SPATA7: variants seen among roughly 807,000 people sequenced by gnomAD.
SPATA7 encodes the protein spermatogenesis associated 7.
A neutral mutation model predicts 51.8 loss-of-function variants in SPATA7; 43 were observed. That is an observed-to-expected ratio of 0.83 (90% CI 0.65 to 1.07). SPATA7 has a LOEUF of 1.07. SPATA7 is among the 50% of genes least tolerant of loss of function. The pLI is 0.00. For missense variants in SPATA7, 683 were observed against 701.3 expected, an observed-to-expected ratio of 0.97 and a Z score of 0.30; for synonymous variants, 230 against 252.8, an observed-to-expected ratio of 0.91 and a Z score of 0.86.
At chr14:88,389,936 G>A (rs2075694884) in intron 1 of SPATA7, among the ~76,000 whole-genome samples, 1 of 152,176 alleles carries the variant, frequency 6.6e-6, no homozygotes, top group African/African-American at 2.4e-5. Context: ...TGATTTAGTA[G>A]CTTAGAACAT....
chr14:88,420,988 G>A (rs141455766), intron 5 of SPATA7, among the ~76,000 whole-genome samples: 7,507 of 151,924 alleles, frequency 0.049, 277 homozygotes, highest in Non-Finnish European at 0.065. Context: ...GTGGTGGTGC[G>A]CACTTGTAGT....
At chr14:88,426,772 C>A in intron 6 of SPATA7, 68 bp downstream of exon 6, 1 of 1,386,156 alleles carries the variant, frequency 7.2e-7, no homozygotes, top group Non-Finnish European at 1.0e-6. Flanking sequence ...AATTAATATT[C>A]CTTGTTTTCT....
Position 88,461,363 on chromosome 14 carries a change from C to T in SPATA7, c.255-8484C>T, listed in dbSNP as rs182861430. Among the ~76,000 whole-genome samples the T allele has an allele frequency of 8.7e-3, 1,326 of 152,264 alleles. 29 individuals carry two copies. Among genetic ancestry groups the T allele is most frequent in the African/African-American group, 0.03 (1,241 of 41,554 alleles). On this transcript the variant is annotated intron_variant, in intron 4 of 4. Transcript: ENST00000556406. ...GAGCTGTGGTGGGCTCCACCCAGTT[C>T]GAGCTTCCTGGCTGCTTTGTTTACC...
chr14:88,399,469 T>C (rs574215556), intron 4 of SPATA7, among the ~76,000 whole-genome samples: 4 of 152,342 alleles, frequency 2.6e-5, no homozygotes, highest in African/African-American at 9.6e-5. Flanking sequence ...ACCAGTTTGG[T>C]CGCTACATAC....
downstream of SPATA7, among the ~76,000 whole-genome samples, chr14:88,460,174 A>G (rs1043419677): frequency 6.6e-6 from 1 of 152,068 alleles, no homozygotes; most frequent in African/African-American, 2.4e-5. Context: ...GGTGAATCTG[A>G]CAATTATGTG....
intron 3 of SPATA7, among the ~76,000 whole-genome samples, chr14:88,447,870 G>A (rs1396960971): frequency 1.3e-5 from 2 of 152,120 alleles, no homozygotes; most frequent in African/African-American, 4.8e-5. Context: ...AGTCTGATGG[G>A]TTTCCCTTTG....
intron 4 of SPATA7, among the ~76,000 whole-genome samples, chr14:88,461,177 G>A (rs2077315088): frequency 6.6e-6 from 1 of 152,236 alleles, no homozygotes; most frequent in African/African-American, 2.4e-5. Flanking sequence ...TGAGGGGGCA[G>A]TCTGTCCGTT....
chr14:88,467,480 G>T (rs1020405056), intron 4 of SPATA7: 6 of 152,148 alleles, frequency 3.9e-5, no homozygotes, highest in Non-Finnish European at 7.4e-5. Flanking sequence ...TTGAAAAACA[G>T]AAGGTACAAC....
At chr14:88,468,685 A>C (rs1426321021) in intron 4 of SPATA7, among the ~76,000 whole-genome samples, 1 of 152,334 alleles carries the variant, frequency 6.6e-6, no homozygotes, top group African/African-American at 2.4e-5. Context: ...CTGGGCAAGT[A>C]AAACAAAATT....
At chr14:88,422,255 G>A (rs570258033) in intron 5 of SPATA7, among the ~76,000 whole-genome samples, 52 of 152,086 alleles carry the variant, frequency 3.4e-4, no homozygotes, top group Non-Finnish European at 5.9e-5. Context: ...ATAGACTTGG[G>A]AGTCATCAGG....
intron 4 of SPATA7, chr14:88,406,710 CACCCATCA>C (rs2076210016): frequency 6.6e-6 from 1 of 152,100 alleles, no homozygotes; most frequent in African/African-American, 2.4e-5. Context: ...TGGTTTGCTG[CACCCATCA>C]ACCTGTCATC....
intron 4 of SPATA7, among the ~76,000 whole-genome samples, chr14:88,398,471 G>A (rs2075961172): frequency 1.7e-5 from 2 of 120,344 alleles, no homozygotes; most frequent in African/African-American, 6.4e-5. Flanking sequence ...ACACTCTGGG[G>A]ACTGTTGTGG....
chr14:88,469,098 GA>G lies in SPATA7; in HGVS notation c.255-745del. The G allele has an allele frequency of 6.2e-7, 1 of 1,600,264 alleles. No individual in the cohort carries two copies. The highest frequency in any genetic ancestry group is 8.5e-7 in the Non-Finnish European group (1 of 1,169,894). On this transcript the variant is annotated intron_variant, in intron 4 of 4. Coordinates refer to the SPATA7 transcript ENST00000556406. This position sits in a 1 kb window ranked among gnomAD's most constrained non-coding sequence, Gnocchi z 4.3. ...TATGCTGTGGAAAATCAATGAAATAGAAAAGTACTCAAGGATCAAGGCGTAT... is the reference window on the plus strand; with the variant it reads ...TATGCTGTGGAAAATCAATGAAATAGAAAGTACTCAAGGATCAAGGCGTAT...
intron 4 of SPATA7, among the ~76,000 whole-genome samples, chr14:88,402,932 G>A (rs778176819): frequency 6.1e-5 from 7 of 113,940 alleles, no homozygotes; most frequent in Non-Finnish European, 1.2e-4. Context: ...TATCCCAACT[G>A]TGTAAGTAAT....
intron 3 of SPATA7, among the ~76,000 whole-genome samples, chr14:88,451,591 A>G (rs1479614480): frequency 6.6e-6 from 1 of 151,284 alleles, no homozygotes; most frequent in South Asian, 2.1e-4. Flanking sequence ...CAGTGCCACA[A>G]TCTCGGCTCA....
downstream of SPATA7, among the ~76,000 whole-genome samples, chr14:88,443,444 G>A (rs186283917): frequency 1.0e-3 from 154 of 151,530 alleles, no homozygotes; most frequent in African/African-American, 2.6e-3. Flanking sequence ...CTGTGGTATC[G>A]GTTGTAATAT....
At chr14:88,470,030 T>A in exon 5 of SPATA7, 1 of 1,613,360 alleles carries the variant, frequency 6.2e-7, no homozygotes, top group South Asian at 1.1e-5. Flanking sequence ...TATAATCCCA[T>A]TCGATTCCAC....
At chr14:88,429,522 G>T in intron 8 of SPATA7, 59 bp downstream of exon 8, 1 of 1,095,730 alleles carries the variant, frequency 9.1e-7, no homozygotes, top group Non-Finnish European at 1.4e-6. Context: ...TTGTATAACA[G>T]ACATATAGTA....
chr14:88,416,137 C>T (rs1566769203), intron 4 of SPATA7: 1 of 152,568 alleles, frequency 6.6e-6, no homozygotes, highest in Non-Finnish European at 1.5e-5. Flanking sequence ...AATTAAACTT[C>T]TTACCTTATA....
Sources: gnomAD v4.1 joint callset for allele counts (sites outside exome capture counted in the v4.1 genomes callset) on GRCh38, gnomAD v4.1.1 for gene constraint, Gnocchi (gnomAD v3.1) non-coding constraint, MANE v1.5 for transcripts, NCBI Gene and HGNC (gene_info 2026-07-23, HGNC 2026-07-21) for gene names.